The following HUWE1 variants were observed in gnomAD, a reference collection of about 807,000 sequenced individuals.
HUWE1 encodes E3 ubiquitin-protein ligase HUWE1.
HUWE1 carries 18 observed loss-of-function variants against 299.4 expected under a neutral mutation model. The observed-to-expected ratio is 0.06, with a 90% CI of 0.04 to 0.09. The LOEUF (loss-of-function observed/expected upper bound fraction) is 0.09, where lower values mean the gene tolerates loss of function less well. HUWE1 is among the 10% of genes least tolerant of loss of function. The pLI, the probability that HUWE1 is intolerant of heterozygous loss-of-function variation, is 1.00. For missense variants in HUWE1, 1,832 were observed against 3,462.3 expected, an observed-to-expected ratio of 0.53 and a Z score of 11.82; for synonymous variants, 1,317 against 1,286.1, an observed-to-expected ratio of 1.02 and a Z score of -0.51.
chrX:53,600,542 A>T (rs1311466452), intron 28 of HUWE1, among the ~76,000 whole-genome samples: 4 of 112,516 alleles, frequency 3.6e-5, no homozygotes, highest in Non-Finnish European at 5.6e-5. Context: ...GTATTAACCC[A>T]GGGCTACCTT....
At position 53,533,099 on chromosome X, in the gene HUWE1, G is replaced by A; in HGVS notation, c.*210C>T. 2.3e-6 allele frequency: 1 copy of A among 435,063 alleles called. No homozygotes were observed. The highest frequency in any genetic ancestry group is 4.1e-6 in the Non-Finnish European group (1 of 244,454). 35.9% of individuals were successfully genotyped at this position (435,063 alleles called of 1,213,427 possible). A position where few individuals can be genotyped will look rare whatever the true frequency, so the allele number is the denominator to read the frequency against. On this transcript the variant is annotated 3_prime_UTR_variant, in exon 84 of 84. Coordinates refer to ENST00000262854, the MANE Select transcript of HUWE1 (RefSeq NM_031407.7). ...GGGGATCATGGACGGCATGGAAAGG[G>A]GAGAGAAGGTGAGGAAACAGGCGGC...
intron 3 of HUWE1, among the ~76,000 whole-genome samples, chrX:53,675,899 G>C (rs981228851): frequency 9.0e-6 from 1 of 111,279 alleles, no homozygotes; most frequent in East Asian, 2.8e-4. Context: ...CAGTATAGAC[G>C]GAGAGAGATC....
intron 3 of HUWE1, among the ~76,000 whole-genome samples, chrX:53,679,325 T>A (rs2070004399): frequency 8.9e-6 from 1 of 112,547 alleles, no homozygotes; most frequent in African/African-American, 3.2e-5. Context: ...AATCTGAACA[T>A]TTTATATTTG....
intron 43 of HUWE1, among the ~76,000 whole-genome samples, chrX:53,577,792 G>A (rs1464863036): frequency 5.2e-5 from 6 of 114,787 alleles, no homozygotes; most frequent in Non-Finnish European, 9.3e-5. Context: ...CCGAGGCGCC[G>A]GGATTGCAGA....
intron 3 of HUWE1, among the ~76,000 whole-genome samples, chrX:53,664,978 CACTT>C (rs2069177063): frequency 8.9e-6 from 1 of 112,047 alleles, no homozygotes; most frequent in Admixed American, 9.4e-5. Context: ...AAATAGCTAA[CACTT>C]ACTCTATACC....
intron 70 of HUWE1, among the ~76,000 whole-genome samples, chrX:53,546,037 C>A (rs1556922386): frequency 1.8e-5 from 2 of 111,912 alleles, no homozygotes; most frequent in African/African-American, 3.2e-5. Flanking sequence ...GAGTACTATT[C>A]TGACTCTGTA....
At position 53,549,013 on chromosome X, in the gene HUWE1, T is replaced by C. The variant is rs1372957151; in HGVS notation, c.9981A>G (p.Gln3327=). ...CGTGTCTGCAGACAACAGGAGCAGCTTGGGGATGGATGTGGACGGTGGAGC... is the reference window on the plus strand; with the variant it reads ...CGTGTCTGCAGACAACAGGAGCAGCCTGGGGATGGATGTGGACGGTGGAGC... ...SGGSTVHIHP[Q]AAPVVCRHVL... Residue 3327 remains glutamine (Q), a synonymous_variant, in exon 67 of 84, where the codon CAA becomes CAG. Transcript: ENST00000262854. 5.0e-6 allele frequency: 6 copies of C among 1,207,358 alleles called. No homozygotes were observed. The highest frequency in any genetic ancestry group is 2.3e-4 in the Middle Eastern group (1 of 4,362).
intron 66 of HUWE1, among the ~76,000 whole-genome samples, chrX:53,549,971 T>G (rs2061701568): frequency 9.0e-6 from 1 of 110,564 alleles, no homozygotes; most frequent in Non-Finnish European, 1.9e-5. Flanking sequence ...AGGCTGGTCT[T>G]GAACTCCTGG....
At chrX:53,658,897 ATGGGCCAAAGACC>A (rs2068871045) in intron 3 of HUWE1, among the ~76,000 whole-genome samples, 1 of 112,952 alleles carries the variant, frequency 8.9e-6, no homozygotes, top group Non-Finnish European at 1.9e-5. Flanking sequence ...AAATGGGCCA[ATGGGCCAAAGACC>A]TTAACATACA....
intron 3 of HUWE1, among the ~76,000 whole-genome samples, chrX:53,659,544 G>A (rs1237398026): frequency 1.8e-5 from 2 of 111,959 alleles, no homozygotes; most frequent in African/African-American, 6.5e-5. Flanking sequence ...TTAGTGGGGA[G>A]GGAAGAATGA....
chrX:53,548,072 C>G lies in HUWE1; in HGVS notation c.10237G>C (p.Val3413Leu). The G allele has an allele frequency of 8.3e-7, 1 of 1,209,818 alleles. No individual in the cohort carries two copies. The highest frequency in any genetic ancestry group is 1.1e-6 in the Non-Finnish European group (1 of 894,407). Residue 3413 changes from valine to leucine, a missense_variant, in exon 68 of 84, where the codon GTG becomes CTG. Val to Leu is a conservative substitution (Grantham distance 32, BLOSUM62 1). Coordinates refer to ENST00000262854, the MANE Select transcript of HUWE1 (RefSeq NM_031407.7). ...KGKNSVKSVP[V>L]SAGGEGETSP... The stretch of plus-strand genomic sequence containing the variant: ...GTTTCCCCCTCACCGCCAGCGCTCA[C>G]TGGCACTGACTTCACGGAGTTCTTG...
intron 49 of HUWE1, among the ~76,000 whole-genome samples, chrX:53,566,124 T>TGC (rs2062535034): frequency 7.6e-5 from 3 of 39,501 alleles, no homozygotes; most frequent in African/African-American, 2.8e-4. Flanking sequence ...TGTATGTGTG[T>TGC]GTGTGTGTGT....
Position 53,583,778 on chromosome X carries a change from C to G in HUWE1, c.5300G>C (p.Gly1767Ala). ...VLIRACVSML[G>A]VPVDPDTLHA... is the part of the protein sequence containing the mutation. ...CAAAGTATCTGGGTCCACAGGGACT[C>G]CCAGCATGCTCACGCAGGCCCGGAT... The change falls in exon 42 of 84, where the codon GGA (glycine) becomes GCA (alanine). Residue 1767 changes from glycine to alanine, a missense_variant. Gly to Ala is a moderately conservative substitution (Grantham distance 60). Coordinates refer to ENST00000262854, the MANE Select transcript of HUWE1 (RefSeq NM_031407.7). The G allele has an allele frequency of 1.7e-6, 2 of 1,209,928 alleles. No homozygotes were observed. The highest frequency in any genetic ancestry group is 2.2e-6 in the Non-Finnish European group (2 of 894,408).
intron 3 of HUWE1, among the ~76,000 whole-genome samples, chrX:53,666,226 GA>G (rs2069245959): frequency 9.0e-6 from 1 of 111,420 alleles, no homozygotes; most frequent in South Asian, 3.7e-4. Context: ...CTGAAGTGGG[GA>G]TTATTTTTTT....
intron 23 of HUWE1, among the ~76,000 whole-genome samples, chrX:53,613,560 T>C (rs1426321988): frequency 9.0e-6 from 1 of 111,464 alleles, no homozygotes; most frequent in Non-Finnish European, 1.9e-5. Flanking sequence ...GGTATACAGT[T>C]ACAGTTCATC....
intron 21 of HUWE1, 94 bp downstream of exon 21, chrX:53,616,876 C>A: frequency 1.3e-6 from 1 of 741,369 alleles, no homozygotes; most frequent in Non-Finnish European, 2.0e-6. Flanking sequence ...ACTTAGCACA[C>A]CTAACCAGTA....
chrX:53,562,976 C>T, intron 52 of HUWE1, 47 bp from the exon 53 acceptor site: 1 of 1,060,810 alleles, frequency 9.4e-7, no homozygotes, highest in Non-Finnish European at 1.3e-6. Context: ...GAGGACTTCC[C>T]TTTCCAGACT....
At chrX:53,638,180 A>G (rs1231793610) in intron 7 of HUWE1, among the ~76,000 whole-genome samples, 3 of 111,023 alleles carry the variant, frequency 2.7e-5, no homozygotes, top group Admixed American at 9.5e-5. Context: ...TCCACTAAAA[A>G]TACAAAAAAA....
At position 53,600,220 on chromosome X, in the gene HUWE1, G is replaced by A; in HGVS notation, c.3061C>T (p.Pro1021Ser). 1 of 1,208,531 alleles carries A rather than the reference G, an allele frequency of 8.3e-7. No individual in the cohort carries two copies. The highest frequency in any genetic ancestry group is 1.1e-6 in the Non-Finnish European group (1 of 892,619). The change falls in exon 29 of 84, where the codon CCC becomes TCC. Residue 1021 changes from proline to serine, a missense_variant. Pro to Ser is a moderately conservative substitution (Grantham distance 74, BLOSUM62 -1). Coordinates refer to ENST00000262854, the MANE Select transcript of HUWE1 (RefSeq NM_031407.7). ...GCAGTAGGTTCATCTGTCTCCATGG[G>A]AGCCAATGTGTCACCATCTAGCCCA... ...GIGLDGDTLA[P>S]METDEPTASD...
Sources: gnomAD v4.1 joint callset for allele counts (sites outside exome capture counted in the v4.1 genomes callset) on GRCh38, gnomAD v4.1.1 for gene constraint, MANE v1.5 for transcripts, NCBI Gene and HGNC (gene_info 2026-07-23, HGNC 2026-07-21) for gene names.